Variants in TBC1D5 observed in about 807,000 individuals in gnomAD.
TBC1D5 encodes the protein TBC1 domain family member 5.
TBC1D5 carries 75 observed loss-of-function variants against 100.3 expected under a neutral mutation model. That is an observed-to-expected ratio of 0.75 (90% CI 0.62 to 0.91). TBC1D5 has a LOEUF of 0.91. TBC1D5 is among the 40% of genes least tolerant of loss of function. The pLI is 0.00. For synonymous variants in TBC1D5, 323 were observed against 325.6 expected (o/e 0.99, Z 0.09); for missense variants, 910 against 942.4 (o/e 0.97, Z 0.45).
chr3:17,328,600 C>T (rs977537777), intron 13 of TBC1D5, among the ~76,000 whole-genome samples: 1 of 152,122 alleles, frequency 6.6e-6, no homozygotes, highest in Non-Finnish European at 1.5e-5. Flanking sequence ...TGTCACGATG[C>T]CACTCAAAAA....
intron 13 of TBC1D5, among the ~76,000 whole-genome samples, chr3:17,342,298 T>G (rs2151430361): frequency 6.6e-6 from 1 of 152,334 alleles, no homozygotes; most frequent in South Asian, 2.1e-4. Flanking sequence ...TTTCAAAACC[T>G]TGCTCAATAA....
intron 3 of TBC1D5, among the ~76,000 whole-genome samples, chr3:17,503,588 G>A (rs765697593): frequency 6.7e-6 from 1 of 149,446 alleles, no homozygotes; most frequent in Admixed American, 6.6e-5. Flanking sequence ...CTGCTACTCC[G>A]ATAGTTACTG....
At chr3:17,399,172 G>C (rs1166225851) in intron 8 of TBC1D5, among the ~76,000 whole-genome samples, 1 of 152,098 alleles carries the variant, frequency 6.6e-6, no homozygotes, top group African/African-American at 2.4e-5. Flanking sequence ...GTATGTATTA[G>C]AGAAACTGAG....
intron 13 of TBC1D5, among the ~76,000 whole-genome samples, chr3:17,333,684 T>G (rs2087218812): frequency 6.6e-6 from 1 of 151,786 alleles, no homozygotes; most frequent in Admixed American, 6.6e-5. Flanking sequence ...CTATTCTCAG[T>G]GAAACAAGCA....
chr3:17,294,493 G>T (rs2082061429), intron 14 of TBC1D5, among the ~76,000 whole-genome samples: 1 of 152,166 alleles, frequency 6.6e-6, no homozygotes, highest in South Asian at 2.1e-4. Context: ...GATAGATAGA[G>T]ACCAGAACAA....
chr3:17,187,763 G>C (rs1293075789), intron 18 of TBC1D5, among the ~76,000 whole-genome samples: 1 of 152,234 alleles, frequency 6.6e-6, no homozygotes, highest in South Asian at 2.1e-4. Flanking sequence ...TGTAAAAAGA[G>C]AGGGCCAACC....
intron 18 of TBC1D5, among the ~76,000 whole-genome samples, chr3:17,200,323 G>A (rs1438261954): frequency 6.6e-6 from 1 of 152,178 alleles, no homozygotes; most frequent in Non-Finnish European, 1.5e-5. Context: ...AGTTGTTCGC[G>A]GCCTGTTAGG....
At chr3:17,437,307 A>G (rs939324088) in intron 3 of TBC1D5, among the ~76,000 whole-genome samples, 1 of 152,178 alleles carries the variant, frequency 6.6e-6, no homozygotes, top group Non-Finnish European at 1.5e-5. Context: ...ACAGACTAAG[A>G]TAACACATAA....
chr3:17,631,944 A>G (rs936316934), intron 1 of TBC1D5, among the ~76,000 whole-genome samples: 3 of 152,240 alleles, frequency 2.0e-5, no homozygotes, highest in African/African-American at 7.2e-5. Context: ...TCTGCAGCCC[A>G]TGAGTCAAGA....
At chr3:17,393,066 G>A (rs902766632) in intron 8 of TBC1D5, among the ~76,000 whole-genome samples, 2 of 135,950 alleles carry the variant, frequency 1.5e-5, no homozygotes, top group Non-Finnish European at 3.0e-5. Context: ...GTGTGTGATG[G>A]TATCTCACTG....
At chr3:17,513,587 A>C (rs529542097) in intron 2 of TBC1D5, among the ~76,000 whole-genome samples, 10 of 152,320 alleles carry the variant, frequency 6.6e-5, no homozygotes, top group African/African-American at 2.2e-4. Context: ...GTCATTCTAA[A>C]AACATTCATA....
intron 16 of TBC1D5, among the ~76,000 whole-genome samples, chr3:17,252,362 T>A (rs1381114550): frequency 6.6e-6 from 1 of 152,180 alleles, no homozygotes; most frequent in African/African-American, 2.4e-5. Context: ...GTGCTAACTA[T>A]CCCAGTTTTC....
At chr3:17,472,666 T>A (rs1387041648) in intron 3 of TBC1D5, among the ~76,000 whole-genome samples, 1 of 152,228 alleles carries the variant, frequency 6.6e-6, no homozygotes, top group Non-Finnish European at 1.5e-5. Context: ...AGGCTATAGT[T>A]TTGTTTATAC....
intron 4 of TBC1D5, among the ~76,000 whole-genome samples, chr3:17,419,983 C>T (rs934690466): frequency 6.6e-6 from 1 of 152,168 alleles, no homozygotes; most frequent in Non-Finnish European, 1.5e-5. Context: ...AGTCCCTGCA[C>T]CTGGCCTTCC....
intron 1 of TBC1D5, among the ~76,000 whole-genome samples, chr3:17,668,700 C>T (rs1471583592): frequency 6.6e-6 from 1 of 152,036 alleles, no homozygotes; most frequent in Non-Finnish European, 1.5e-5. Flanking sequence ...ATTTTTTAAA[C>T]TGGACATTTC....
chr3:17,211,214 T>G (rs1225613406), intron 18 of TBC1D5, among the ~76,000 whole-genome samples: 1 of 152,202 alleles, frequency 6.6e-6, no homozygotes, highest in African/African-American at 2.4e-5. Context: ...TGGGATCCAC[T>G]AAGAAGTAAC....
chr3:17,262,940 A>G (rs2078463521), intron 15 of TBC1D5, among the ~76,000 whole-genome samples: 1 of 150,978 alleles, frequency 6.6e-6, no homozygotes, highest in Admixed American at 6.6e-5. Flanking sequence ...ATACATAAAG[A>G]TGTAGGCTGG....
At chr3:17,683,437 A>G (rs929528819) in intron 1 of TBC1D5, among the ~76,000 whole-genome samples, 4 of 151,682 alleles carry the variant, frequency 2.6e-5, no homozygotes, top group African/African-American at 7.3e-5. Flanking sequence ...TTCCTCAACA[A>G]TACAGTATTA....
intron 4 of TBC1D5, among the ~76,000 whole-genome samples, chr3:17,422,466 G>C (rs1489894373): frequency 6.6e-6 from 1 of 151,694 alleles, no homozygotes; most frequent in Non-Finnish European, 1.5e-5. Flanking sequence ...AGATTACTGG[G>C]GTAAGCCACT....
Sources: gnomAD v4.1 joint callset for allele counts (sites outside exome capture counted in the v4.1 genomes callset) on GRCh38, gnomAD v4.1.1 for gene constraint, MANE v1.5 for transcripts, NCBI Gene and HGNC (gene_info 2026-07-23, HGNC 2026-07-21) for gene names.